KIRREL2: variants seen among roughly 807,000 people sequenced by gnomAD.
KIRREL2 encodes the protein kirre like nephrin family adhesion molecule 2, also known as kin of IRRE-like protein 2.
In KIRREL2, 56 loss-of-function variants were observed where a neutral mutation model predicts 73.4. The ratio of observed to expected loss-of-function variants is 0.76; its 90% CI spans 0.62 to 0.95. The LOEUF (loss-of-function observed/expected upper bound fraction) is 0.95, where lower values mean the gene tolerates loss of function less well. Among genes scored for constraint, KIRREL2 ranks in the 40% least tolerant of loss-of-function variants. KIRREL2 has a pLI of 0.00. For missense variants in KIRREL2, 896 were observed against 935.0 expected (o/e 0.96, Z 0.54); for synonymous variants, 407 against 404.0 (o/e 1.01, Z -0.09).
Position 35,857,383 on chromosome 19 carries a change from G to C in KIRREL2, c.100G>C (p.Val34Leu). The part of the protein sequence containing the change: ...PHFLQQPEDL[V>L]VLLGEEARLP... The stretch of plus-strand genomic sequence containing the variant: ...TTTCCTGCAACAGCCAGAGGACCTG[G>C]TGGTGCTGCTGGGGGAGGAAGCCCG... The change falls in exon 2 of 15, where the codon GTG (valine) becomes CTG (leucine). Residue 34 changes from valine to leucine, a missense_variant. Physicochemically the swap from Val to Leu is conservative, Grantham distance 32 (BLOSUM62 1). Transcript: ENST00000360202. 6.2e-7 allele frequency: 1 copy of C among 1,612,968 alleles called. No homozygotes were observed. The highest frequency in any genetic ancestry group is 1.7e-5 in the Admixed American group (1 of 60,012).
chr19:35,861,878 C>T lies in KIRREL2; in HGVS notation c.1364C>T (p.Pro455Leu). The change falls in exon 11 of 15, where the codon CCA (proline) becomes CTA (leucine). Residue 455 changes from proline (P) to leucine (L), a missense_variant. Coordinates refer to ENST00000360202, the MANE Select transcript of KIRREL2 (RefSeq NM_199180.4). ...TTCCTGGTGGAGACATTCCCTGCCC[C>T]AGAGAGCCGCGGGGGACTGGGTCCG... ...GRFLVETFPA[P>L]ESRGGLGPGL... 6.9e-6 allele frequency: 11 copies of T among 1,596,894 alleles called. No homozygotes were observed. The highest frequency in any genetic ancestry group is 9.4e-6 in the Non-Finnish European group (11 of 1,172,130).
intron 3 of KIRREL2, 29 bp from the exon 4 acceptor site, chr19:35,858,675 C>A (rs1245045295): frequency 6.2e-7 from 1 of 1,612,568 alleles, no homozygotes; most frequent in South Asian, 1.1e-5. Flanking sequence ...AGATCAGGAT[C>A]CATCTCTGAC....
At chr19:35,857,566 T>C in intron 2 of KIRREL2, 72 bp downstream of exon 2, 1 of 1,417,434 alleles carries the variant, frequency 7.1e-7, no homozygotes, top group Non-Finnish European at 9.5e-7. Flanking sequence ...GTACCTGCAG[T>C]TTCTATTTTG....
chr19:35,861,349 G>A (rs1328541680), intron 9 of KIRREL2, 95 bp downstream of exon 9: 1 of 1,501,342 alleles, frequency 6.7e-7, no homozygotes, highest in Non-Finnish European at 8.8e-7. Flanking sequence ...TGGCCTGGAA[G>A]GAGCTTTACA....
chr19:35,852,929 G>A (rs1337556406), upstream of KIRREL2, among the ~76,000 whole-genome samples: 1 of 152,022 alleles, frequency 6.6e-6, no homozygotes, highest in Non-Finnish European at 1.5e-5. Flanking sequence ...CAAGTAGCTG[G>A]TGCTACAGGT....
chr19:35,860,351 A>T lies in KIRREL2; in HGVS notation c.728A>T (p.Lys243Met). 1 of 1,613,994 alleles carries T rather than the reference A, an allele frequency of 6.2e-7. No homozygotes were observed. Among genetic ancestry groups the T allele is most frequent in the East Asian group, 2.2e-5 (1 of 44,884 alleles). The change falls in exon 6 of 15, where the codon AAG becomes ATG. Residue 243 changes from lysine (K) to methionine (M), a missense_variant. Lys to Met is a moderately conservative substitution (Grantham distance 95). Transcript: ENST00000360202. ...ASPHTVQEGE[K>M]VIFLCQATAQ... is the part of the protein sequence containing the mutation. ...CCACACACTGTGCAGGAGGGAGAGAAGGTCATTTTCCTGTGCCAGGCCACA... is the reference window on the plus strand; with the variant it reads ...CCACACACTGTGCAGGAGGGAGAGATGGTCATTTTCCTGTGCCAGGCCACA...
upstream of KIRREL2, among the ~76,000 whole-genome samples, chr19:35,853,115 C>T (rs1003543004): frequency 2.0e-5 from 3 of 151,994 alleles, no homozygotes; most frequent in African/African-American, 7.3e-5. Context: ...TTTTAGTAGA[C>T]ATCAGTGCCT....
chr19:35,864,684 C>T lies in KIRREL2; in HGVS notation c.1762C>T (p.Leu588=). 6.2e-7 allele frequency: 1 copy of T among 1,613,148 alleles called. No individual in the cohort carries two copies. Among genetic ancestry groups the T allele is most frequent in the Non-Finnish European group, 8.5e-7 (1 of 1,179,192 alleles). Residue 588 remains leucine, a synonymous_variant, in exon 14 of 15, where the codon CTG becomes TTG. Transcript: ENST00000360202. ...GCACACTGACCACAGTGATCTGGTT[C>T]TGGAGGAGGAAGGGACTCTGGAGAC... ...IVHTDHSDLV[L]EEEGTLETKD... is the part of the protein sequence containing the mutation.
chr19:35,858,281 C>A, intron 2 of KIRREL2, 127 bp from the exon 3 acceptor site: 1 of 1,110,954 alleles, frequency 9.0e-7, no homozygotes, highest in Non-Finnish European at 1.3e-6. Context: ...GCCCAGTACA[C>A]ACTTTTTAAT....
chr19:35,861,295 G>C (rs375519146), intron 9 of KIRREL2, 41 bp downstream of exon 9: 1 of 1,511,728 alleles, frequency 6.6e-7, no homozygotes, highest in African/African-American at 1.4e-5. Flanking sequence ...GCCCGTCCTG[G>C]GATAGGGAGC....
chr19:35,866,424 G>A lies in KIRREL2; in HGVS notation c.2059G>A (p.Gly687Arg), dbSNP rs142632409. 3.8e-5 allele frequency: 61 copies of A among 1,604,688 alleles called. No homozygotes were observed. The African/African-American group carries it at 3.8e-4, about 10-fold the overall frequency. The change falls in exon 15 of 15, where the codon GGG becomes AGG. Residue 687 changes from glycine to arginine, a missense_variant. Transcript: ENST00000360202. ...TSFGPPDLAP[G>R]TPPFPYAAFP... Reference sequence around the variant, plus strand: ...CTTTGGGCCCCCAGATCTGGCCCCCGGGACTCCCCCCTTCCCATATGCTGC... The same window carrying A: ...CTTTGGGCCCCCAGATCTGGCCCCCAGGACTCCCCCCTTCCCATATGCTGC...
upstream of KIRREL2, among the ~76,000 whole-genome samples, chr19:35,853,198 G>C (rs989731026): frequency 2.0e-5 from 3 of 152,190 alleles, no homozygotes; most frequent in Admixed American, 2.0e-4. Context: ...GTGGGAGAGA[G>C]GGAAGATATG....
Position 35,861,615 on chromosome 19 carries a change from T to G in KIRREL2, c.1264T>G (p.Phe422Val), listed in dbSNP as rs1456622542. 1 of 1,613,612 alleles carries G rather than the reference T, an allele frequency of 6.2e-7. No homozygotes were observed. The highest frequency in any genetic ancestry group is 1.1e-5 in the South Asian group (1 of 91,044). The change falls in exon 10 of 15, where the codon TTC becomes GTC. Residue 422 changes from phenylalanine (F) to valine (V), a missense_variant. Phe to Val is a conservative substitution (Grantham distance 50). Transcript: ENST00000360202. ...CCCTGCTCGCCTCCAGTGTCTGGTT[T>G]TCGCCTCTCCCGCCCCAGATGCCGT... is the stretch of plus-strand genomic sequence containing the variant. Reference protein sequence around the residue: ...RGPARLQCLVFASPAPDAVVW... With the variant: ...RGPARLQCLVVASPAPDAVVW...
chr19:35,856,888 A>T (rs1329455714), upstream of KIRREL2: 12 of 592,510 alleles, frequency 2.0e-5, no homozygotes, highest in Middle Eastern at 9.0e-4. The surrounding 1 kb of genome is among the most constrained non-coding windows in gnomAD (Gnocchi z 5.9). Flanking sequence ...GGCGAGCGGG[A>T]TCGGGCCCTC....
At position 35,866,454 on chromosome 19, in the gene KIRREL2, C is replaced by T. The variant is rs765195963; in HGVS notation, c.2089C>T (p.Pro697Ser). Residue 697 changes from proline to serine, a missense_variant, in exon 15 of 15, where the codon CCC becomes TCC. Transcript: ENST00000360202. ...GTPPFPYAAFPTPSHPRLQTH... is the reference protein window; with the variant it reads ...GTPPFPYAAFSTPSHPRLQTH... ...TCCCCCCTTCCCATATGCTGCCTTC[C>T]CCACACCTAGCCACCCGCGTCTCCA... 6.2e-7 allele frequency: 1 copy of T among 1,610,340 alleles called. No homozygotes were observed. The highest frequency in any genetic ancestry group is 1.1e-5 in the South Asian group (1 of 91,012).
Position 35,860,355 on chromosome 19 carries a change from C to T in KIRREL2, c.732C>T (p.Val244=). Residue 244 remains valine, a synonymous_variant, in exon 6 of 15, where the codon GTC becomes GTT. Coordinates refer to ENST00000360202, the MANE Select transcript of KIRREL2 (RefSeq NM_199180.4). ...SPHTVQEGEK[V]IFLCQATAQP... Reference sequence around the variant, plus strand: ...ACACTGTGCAGGAGGGAGAGAAGGTCATTTTCCTGTGCCAGGCCACAGCCC... The same window carrying T: ...ACACTGTGCAGGAGGGAGAGAAGGTTATTTTCCTGTGCCAGGCCACAGCCC... The T allele has an allele frequency of 6.2e-7, 1 of 1,614,012 alleles. No homozygotes were observed.
chr19:35,851,595 C>A, upstream of KIRREL2: 1 of 1,613,988 alleles, frequency 6.2e-7, no homozygotes. Flanking sequence ...ACTGAGGCCC[C>A]CTCCACCACC....
At chr19:35,853,847 T>A (rs1339391028), upstream of KIRREL2, among the ~76,000 whole-genome samples, 1 of 144,950 alleles carries the variant, frequency 6.9e-6, no homozygotes, top group Non-Finnish European at 1.5e-5. Flanking sequence ...ATTTTTTTTT[T>A]TTTTTTTTTT....
chr19:35,859,724 A>G (rs967931186), intron 5 of KIRREL2, 93 bp downstream of exon 5: 6 of 1,439,460 alleles, frequency 4.2e-6, no homozygotes, highest in Non-Finnish European at 5.6e-6. Context: ...GAATGAGGAA[A>G]CTGGAGCCTG....
Sources: allele counts gnomAD v4.1 joint callset (sites outside exome capture counted in the v4.1 genomes callset), GRCh38; gene constraint gnomAD v4.1.1; non-coding constraint Gnocchi (gnomAD v3.1); transcripts MANE v1.5; gene names NCBI Gene and HGNC (gene_info 2026-07-23, HGNC 2026-07-21).